The following FREM1 variants were observed in gnomAD, a reference collection of about 807,000 sequenced individuals.
The protein encoded by FREM1 is FRAS1-related extracellular matrix protein 1.
In FREM1, 220 loss-of-function variants were observed where a neutral mutation model predicts 210.1. That is an observed-to-expected ratio of 1.05 (90% CI 0.94 to 1.17). The LOEUF (loss-of-function observed/expected upper bound fraction) is 1.17. Ranked by LOEUF, FREM1 falls within the 50% of genes most tolerant of loss-of-function variation. The pLI, the probability that FREM1 is intolerant of heterozygous loss-of-function variation, is 0.00. For missense variants in FREM1, 3,454 were observed against 2,675.5 expected, an observed-to-expected ratio of 1.29 and a Z score of -6.42; for synonymous variants, 1,189 against 980.2, an observed-to-expected ratio of 1.21 and a Z score of -3.98.
At chr9:14,768,672 G>A (rs34660019) in intron 27 of FREM1, among the ~76,000 whole-genome samples, 10,753 of 152,148 alleles carry the variant, frequency 0.071, 517 homozygotes, top group Middle Eastern at 0.16. Flanking sequence ...CTAAGAAAAG[G>A]AGGCTAGCTT....
At chr9:14,902,087 C>T (rs890868782) in intron 1 of FREM1, among the ~76,000 whole-genome samples, 11 of 151,704 alleles carry the variant, frequency 7.3e-5, no homozygotes, top group Admixed American at 2.6e-4. Context: ...CTCAAACTAT[C>T]TGCCTGCCTT....
At chr9:14,742,490 C>T (rs376902352) in intron 35 of FREM1, among the ~76,000 whole-genome samples, 1 of 152,062 alleles carries the variant, frequency 6.6e-6, no homozygotes, top group Non-Finnish European at 1.5e-5. Flanking sequence ...AATAATAAAA[C>T]ACCACTGGGG....
intron 1 of FREM1, among the ~76,000 whole-genome samples, chr9:14,872,414 T>C (rs1269448012): frequency 6.6e-6 from 1 of 152,224 alleles, no homozygotes; most frequent in Non-Finnish European, 1.5e-5. Context: ...CTAGGCATTT[T>C]ATCCTCTTTG....
intron 2 of FREM1, among the ~76,000 whole-genome samples, chr9:14,866,912 T>C (rs1160447576): frequency 1.3e-5 from 2 of 151,910 alleles, no homozygotes; most frequent in Non-Finnish European, 2.9e-5. Flanking sequence ...CAGGCTGGAG[T>C]GTAGTGGCAC....
intron 1 of FREM1, among the ~76,000 whole-genome samples, chr9:14,882,362 T>C (rs1834942821): frequency 6.6e-6 from 1 of 152,136 alleles, no homozygotes; most frequent in African/African-American, 2.4e-5. Context: ...GAGATATCTA[T>C]TCTTATGGCT....
At chr9:14,827,777 G>T (rs950393937) in intron 10 of FREM1, among the ~76,000 whole-genome samples, 1 of 152,192 alleles carries the variant, frequency 6.6e-6, no homozygotes, top group African/African-American at 2.4e-5. Context: ...TTTCAAGGGA[G>T]GGACCTGTGG....
intron 1 of FREM1, among the ~76,000 whole-genome samples, chr9:14,896,170 G>A (rs1057204634): frequency 8.5e-5 from 13 of 152,296 alleles, no homozygotes; most frequent in South Asian, 8.3e-4. Context: ...CGTCCTCACT[G>A]CTACCCTCCC....
chr9:14,792,803 G>A lies in FREM1; in HGVS notation c.3921C>T (p.Pro1307=), dbSNP rs961168958. 1 of 1,606,900 alleles carries A rather than the reference G, an allele frequency of 6.2e-7. No individual in the cohort carries two copies. Among genetic ancestry groups the A allele is most frequent in the African/African-American group, 1.3e-5 (1 of 74,924 alleles). The change falls in exon 22 of 37, where the codon CCC becomes CCT. Residue 1307 remains proline (P), a synonymous_variant. Coordinates refer to ENST00000380880, the MANE Select transcript of FREM1 (RefSeq NM_001379081.2). ...CAAATACATAGTAAATCTTCTCCCT[G>A]GGTGAGTCTTCATCTATGGCTGAAA... ...AILSAIDEDS[P]REKIYYVFER... is the part of the protein sequence containing the mutation.
intron 9 of FREM1, 35 bp from the exon 10 acceptor site, chr9:14,841,624 C>A: frequency 6.7e-7 from 1 of 1,485,226 alleles, no homozygotes; most frequent in Admixed American, 2.0e-5. Flanking sequence ...TACTTTTGTA[C>A]AAGCCTATCA....
intron 22 of FREM1, among the ~76,000 whole-genome samples, chr9:14,789,769 T>C (rs2132991949): frequency 6.6e-6 from 1 of 152,368 alleles, no homozygotes; most frequent in East Asian, 1.9e-4. Context: ...GCATATGTTT[T>C]GTACAGAGCT....
At chr9:14,738,746 A>T (rs1243242150) in intron 36 of FREM1, among the ~76,000 whole-genome samples, 2 of 152,170 alleles carry the variant, frequency 1.3e-5, no homozygotes. Flanking sequence ...GCGGTGGCTC[A>T]TGCCTGCAAT....
At chr9:14,745,347 A>G (rs1842225825) in intron 35 of FREM1, among the ~76,000 whole-genome samples, 1 of 152,162 alleles carries the variant, frequency 6.6e-6, no homozygotes, top group Non-Finnish European at 1.5e-5. Context: ...GTGGTATTTC[A>G]TTGTGGTTTT....
chr9:14,744,702 T>C (rs1842113385), intron 35 of FREM1, among the ~76,000 whole-genome samples: 1 of 152,194 alleles, frequency 6.6e-6, no homozygotes. Context: ...AAAGTTATTA[T>C]ACAACATTTT....
chr9:14,823,303 C>T lies in FREM1; in HGVS notation c.2194G>A (p.Ala732Thr). 1 of 1,613,734 alleles carries T rather than the reference C, an allele frequency of 6.2e-7. No individual in the cohort carries two copies. The highest frequency in any genetic ancestry group is 1.1e-5 in the South Asian group (1 of 91,044). ...TQHAVNYMKV[A>T]YMPPMQDIGP... ...ATGTCTTGCATGGGGGGCATGTAGGCCACTTTCATATAGTTCACAGCATGC... is the reference window on the plus strand; with the variant it reads ...ATGTCTTGCATGGGGGGCATGTAGGTCACTTTCATATAGTTCACAGCATGC... Residue 732 changes from alanine to threonine, a missense_variant, in exon 13 of 37, where the codon GCC (alanine) becomes ACC (threonine). Ala to Thr is a moderately conservative substitution (Grantham distance 58). Coordinates refer to ENST00000380880, the MANE Select transcript of FREM1 (RefSeq NM_001379081.2).
At chr9:14,882,890 G>A (rs1588574230) in intron 1 of FREM1, among the ~76,000 whole-genome samples, 2 of 94,964 alleles carry the variant, frequency 2.1e-5, no homozygotes, top group Non-Finnish European at 3.7e-5. Context: ...TCCAGCCAGG[G>A]CAGCAGAGCG....
intron 20 of FREM1, among the ~76,000 whole-genome samples, chr9:14,799,445 A>T (rs1033327697): frequency 6.6e-6 from 1 of 152,204 alleles, no homozygotes; most frequent in African/African-American, 2.4e-5. Flanking sequence ...TGAAAATCTA[A>T]TTTCTGAGAA....
At position 14,851,291 on chromosome 9, in the gene FREM1, T is replaced by C. The variant is rs531614816; in HGVS notation, c.1145A>G (p.His382Arg). 4 of 1,585,800 alleles carry C rather than the reference T, an allele frequency of 2.5e-6. No homozygotes were observed. The South Asian group carries it at 4.7e-5, about 19-fold the overall frequency. The change falls in exon 6 of 37, where the codon CAT becomes CGT. Residue 382 changes from histidine to arginine, a missense_variant. By Grantham distance (29) the His-to-Arg change is conservative. Coordinates refer to ENST00000380880, the MANE Select transcript of FREM1 (RefSeq NM_001379081.2). ...TTTGTCTCTCCTTCTTACCTCATCA[T>C]GTCTCCTCTCAGAATGGCTGCTGTT... is the stretch of plus-strand genomic sequence containing the variant. ...PPNSSHSERR[H>R]DEVELEVYDF...
Position 14,801,685 on chromosome 9 carries a change from C to A in FREM1, c.3661G>T (p.Val1221Phe), listed in dbSNP as rs370147643. Residue 1221 changes from valine to phenylalanine, a missense_variant, in exon 20 of 37, where the codon GTT becomes TTT. Coordinates refer to ENST00000380880, the MANE Select transcript of FREM1 (RefSeq NM_001379081.2). ...PANPHQKHAPVHSFSMELLKT... is the reference protein window; with the variant it reads ...PANPHQKHAPFHSFSMELLKT... ...AGGAGTTCCATGGAAAAGCTGTGAA[C>A]AGGTGCATGTTTCTGGTGAGGGTTG... 3.1e-6 allele frequency: 5 copies of A among 1,613,660 alleles called. No homozygotes were observed. The South Asian group carries it at 5.5e-5, about 18-fold the overall frequency.
intron 20 of FREM1, among the ~76,000 whole-genome samples, chr9:14,798,457 T>G (rs1852861943): frequency 6.6e-6 from 1 of 151,908 alleles, no homozygotes; most frequent in South Asian, 2.1e-4. Context: ...AAAGAATTTT[T>G]TTTTTGAAAC....
Sources: gnomAD v4.1 joint callset for allele counts (sites outside exome capture counted in the v4.1 genomes callset) on GRCh38, gnomAD v4.1.1 for gene constraint, MANE v1.5 for transcripts, NCBI Gene and HGNC (gene_info 2026-07-23, HGNC 2026-07-21) for gene names.